The following ITGA8 variants were observed in gnomAD, a reference collection of about 807,000 sequenced individuals.
ITGA8 encodes integrin subunit alpha 8.
ITGA8 carries 91 observed loss-of-function variants against 142.3 expected under a neutral mutation model. That is an observed-to-expected ratio of 0.64 (90% CI 0.54 to 0.76). The LOEUF is 0.76. ITGA8 is among the 30% of genes least tolerant of loss of function. ITGA8 has a pLI of 0.00. For synonymous variants in ITGA8, 505 were observed against 485.2 expected, an observed-to-expected ratio of 1.04 and a Z score of -0.54; for missense variants, 1,406 against 1,327.7, an observed-to-expected ratio of 1.06 and a Z score of -0.92.
At chr10:15,568,871 C>A (rs1000152127) in intron 25 of ITGA8, among the ~76,000 whole-genome samples, 1 of 152,132 alleles carries the variant, frequency 6.6e-6, no homozygotes, top group African/African-American at 2.4e-5. Flanking sequence ...AGGTGGAAAT[C>A]GATTTAACTG....
At chr10:15,595,242 A>G (rs1165383339) in intron 21 of ITGA8, among the ~76,000 whole-genome samples, 1 of 152,214 alleles carries the variant, frequency 6.6e-6, no homozygotes, top group East Asian at 1.9e-4. Context: ...AATAGATAGA[A>G]CTAAACATTC....
chr10:15,580,982 G>C (rs1008962334), intron 23 of ITGA8, among the ~76,000 whole-genome samples: 2 of 152,240 alleles, frequency 1.3e-5, no homozygotes, highest in Admixed American at 6.5e-5. Flanking sequence ...ATTTAACCTT[G>C]TCCAAGAAGA....
chr10:15,551,277 G>T (rs1833789304), intron 26 of ITGA8, among the ~76,000 whole-genome samples: 1 of 151,200 alleles, frequency 6.6e-6, no homozygotes, highest in South Asian at 2.1e-4. Context: ...AGAGGAGGGG[G>T]CTGGGATGGA....
At chr10:15,688,581 A>G (rs150945714) in intron 2 of ITGA8, among the ~76,000 whole-genome samples, 31 of 152,352 alleles carry the variant, frequency 2.0e-4, no homozygotes, top group African/African-American at 7.2e-4. Flanking sequence ...CTTGATAAAC[A>G]TAAGTGCAAA....
chr10:15,689,915 C>A (rs183986022), intron 2 of ITGA8, among the ~76,000 whole-genome samples: 1 of 152,144 alleles, frequency 6.6e-6, no homozygotes, highest in Non-Finnish European at 1.5e-5. Context: ...GGAGCTGCAC[C>A]CCTTCGGCGC....
intron 15 of ITGA8, among the ~76,000 whole-genome samples, chr10:15,610,642 C>T (rs766878575): frequency 2.0e-4 from 30 of 152,186 alleles, no homozygotes; most frequent in Non-Finnish European, 3.1e-4. Context: ...AACCCAAGCA[C>T]GGTTGGAATA....
chr10:15,593,825 A>T (rs537344271), intron 21 of ITGA8, among the ~76,000 whole-genome samples: 3 of 148,844 alleles, frequency 2.0e-5, no homozygotes, highest in Admixed American at 1.4e-4. Flanking sequence ...CTAAGGCATT[A>T]CGCCCCAGCA....
At chr10:15,567,154 C>CAAA (rs111545300) in intron 25 of ITGA8, among the ~76,000 whole-genome samples, 128 of 138,240 alleles carry the variant, frequency 9.3e-4, no homozygotes, top group African/African-American at 3.2e-3. Context: ...GACCCCATCT[C>CAAA]AAAAAAAAAA....
intron 23 of ITGA8, among the ~76,000 whole-genome samples, chr10:15,584,592 A>G (rs1047529824): frequency 6.6e-6 from 1 of 152,222 alleles, no homozygotes; most frequent in Non-Finnish European, 1.5e-5. Flanking sequence ...ATTATGTAGT[A>G]AAGTTAAATA....
intron 21 of ITGA8, among the ~76,000 whole-genome samples, chr10:15,593,839 A>ATTTT (rs35907545): frequency 5.8e-5 from 8 of 137,310 alleles, no homozygotes; most frequent in African/African-American, 1.7e-4. Context: ...CCCAGCAAAG[A>ATTTT]TTTTTTTTTT....
intron 15 of ITGA8, among the ~76,000 whole-genome samples, chr10:15,609,353 G>C (rs574638270): frequency 1.3e-5 from 2 of 152,302 alleles, no homozygotes; most frequent in African/African-American, 4.8e-5. Context: ...ATAGTATGAT[G>C]TGGATATTTC....
intron 11 of ITGA8, among the ~76,000 whole-genome samples, chr10:15,653,884 G>T (rs189861955): frequency 2.7e-5 from 4 of 150,620 alleles, no homozygotes; most frequent in African/African-American, 9.8e-5. Flanking sequence ...GCCCAGGCTG[G>T]AGTGCAGTGG....
intron 13 of ITGA8, among the ~76,000 whole-genome samples, chr10:15,633,221 C>A (rs1464378886): frequency 6.6e-6 from 1 of 152,050 alleles, no homozygotes; most frequent in Non-Finnish European, 1.5e-5. Context: ...TCATTTTGGA[C>A]CAATTCACTT....
At chr10:15,519,544 T>C (rs7077361) in intron 28 of ITGA8, 132 bp from the exon 29 acceptor site, 104,274 of 939,584 alleles carry the variant, frequency 0.11, 6,396 homozygotes, top group Middle Eastern at 0.18. Context: ...CTAGGGGATA[T>C]TTGAGAGGTA....
intron 27 of ITGA8, among the ~76,000 whole-genome samples, chr10:15,548,199 C>T (rs546602153): frequency 2.0e-5 from 3 of 151,742 alleles, no homozygotes; most frequent in Admixed American, 6.6e-5. Context: ...TCAAGGGATT[C>T]TCATGCCTCA....
At chr10:15,557,954 A>G in intron 26 of ITGA8, 120 bp downstream of exon 26, 1 of 1,222,000 alleles carries the variant, frequency 8.2e-7, no homozygotes, top group Non-Finnish European at 1.2e-6. Flanking sequence ...GCCAAACGTT[A>G]GGAATATCTG....
At chr10:15,546,847 G>A (rs1397302600) in intron 27 of ITGA8, among the ~76,000 whole-genome samples, 2 of 150,072 alleles carry the variant, frequency 1.3e-5, no homozygotes, top group Non-Finnish European at 3.0e-5. Context: ...AAAGGGAAGG[G>A]AAATGAGGGG....
intron 6 of ITGA8, 126 bp downstream of exon 6, chr10:15,677,466 T>C: frequency 1.4e-6 from 1 of 721,740 alleles, no homozygotes; most frequent in African/African-American, 1.8e-5. Context: ...TAACGCTTCA[T>C]TTGAGAAACT....
intron 2 of ITGA8, among the ~76,000 whole-genome samples, chr10:15,701,622 G>A (rs1451502195): frequency 1.3e-5 from 2 of 152,208 alleles, no homozygotes; most frequent in Non-Finnish European, 2.9e-5. Context: ...ACGAAGTGAG[G>A]AGAGATCGCC....
Sources: allele counts gnomAD v4.1 joint callset (sites outside exome capture counted in the v4.1 genomes callset), GRCh38; gene constraint gnomAD v4.1.1; transcripts MANE v1.5; gene names NCBI Gene and HGNC (gene_info 2026-07-23, HGNC 2026-07-21).